GPD2: variants seen among roughly 807,000 people sequenced by gnomAD.
GPD2 encodes glycerol-3-phosphate dehydrogenase, mitochondrial.
In GPD2, 54 loss-of-function variants were observed where a neutral mutation model predicts 82.4. That is an observed-to-expected ratio of 0.66 (90% CI 0.53 to 0.82). GPD2 has a LOEUF of 0.82. Among genes scored for constraint, GPD2 ranks in the 40% least tolerant of loss-of-function variants. GPD2 has a pLI of 0.00. For missense variants in GPD2, 748 were observed against 896.2 expected (o/e 0.83, Z 2.11); for synonymous variants, 288 against 306.1 (o/e 0.94, Z 0.62).
upstream of GPD2, chr2:156,436,250 GGC>G (rs1471294441): frequency 6.6e-6 from 1 of 152,348 alleles, no homozygotes; most frequent in African/African-American, 2.4e-5. Context: ...GGCAGGAGGT[GGC>G]GGCCTCGCCG....
intron 3 of GPD2, among the ~76,000 whole-genome samples, chr2:156,509,723 A>C (rs1684916429): frequency 6.8e-6 from 1 of 147,912 alleles, no homozygotes; most frequent in African/African-American, 2.5e-5. Context: ...TCTAGAACTG[A>C]CCTATCTTTG....
chr2:156,466,843 AT>A (rs1683167181), intron 1 of GPD2, among the ~76,000 whole-genome samples: 1 of 152,024 alleles, frequency 6.6e-6, no homozygotes, highest in Non-Finnish European at 1.5e-5. Context: ...TTTTACTTGC[AT>A]TTTTTGAACT....
the GPD2 span, among the ~76,000 whole-genome samples, chr2:156,413,342 G>A: frequency 2.0e-5 from 3 of 152,014 alleles, no homozygotes; most frequent in Non-Finnish European, 4.4e-5. Context: ...AGCACTTTGG[G>A]AGGCCGAGGC....
chr2:156,479,267 G>A lies in GPD2; in HGVS notation c.102+3060G>A, dbSNP rs553787113. On this transcript the variant is annotated intron_variant, in intron 2 of 16. Coordinates refer to ENST00000438166, the MANE Select transcript of GPD2 (RefSeq NM_000408.5). ...GACAGATTGAAATTGAATAAGATGT[G>A]GTTTCACTTACCTTTAATGCAGTTG... Among the ~76,000 whole-genome samples the A allele has an allele frequency of 3.9e-5, 6 of 152,264 alleles. No individual in the cohort carries two copies. The South Asian group carries it at 1.2e-3, about 32-fold the overall frequency.
rs3055086 is a variant in GPD2 at position 156,450,682 on chromosome 2, T to TTTTTTTTA, written c.-9+14169_-9+14170insTTTTTTTA. Among the ~76,000 whole-genome samples, 209 of 112,408 alleles carry TTTTTTTTA rather than the reference T, an allele frequency of 1.9e-3. 7 individuals carry two copies. The highest frequency in any genetic ancestry group is 6.1e-3 in the African/African-American group (187 of 30,784). The allele number at this position is 112,408 out of a possible 152,430, so 73.7% of individuals were successfully genotyped here. A position where few individuals can be genotyped will look rare whatever the true frequency, so the allele number is the denominator to read the frequency against. ...AGACAACTCTTTTTTTTTTTTTTTT[T>TTTTTTTTA]ATTGCTCATTCTTGGGTGTTTCTCG... On this transcript the variant is annotated intron_variant, in intron 1 of 16. Transcript: ENST00000438166.
chr2:156,452,481 G>A (rs1015975755), intron 1 of GPD2, among the ~76,000 whole-genome samples: 3 of 152,236 alleles, frequency 2.0e-5, no homozygotes, highest in Non-Finnish European at 4.4e-5. Context: ...GCAGTGAGCC[G>A]AGATGGCAGC....
chr2:156,403,759 TTC>T, the GPD2 span, among the ~76,000 whole-genome samples: 3 of 152,176 alleles, frequency 2.0e-5, no homozygotes, highest in Non-Finnish European at 2.9e-5. Context: ...TTTTCTGTAT[TTC>T]TCTGTCACAA....
chr2:156,494,554 C>G (rs1342495943), intron 2 of GPD2, among the ~76,000 whole-genome samples: 2 of 152,194 alleles, frequency 1.3e-5, no homozygotes, highest in Non-Finnish European at 2.9e-5. Flanking sequence ...TTAAATGCAA[C>G]TGCAGGGGGT....
Position 156,436,964 on chromosome 2 carries a change from C to G in GPD2, c.-9+451C>G, listed in dbSNP as rs145015972. Among the ~76,000 whole-genome samples the G allele has an allele frequency of 6.8e-3, 1,043 of 152,276 alleles. 5 individuals are homozygous for G. The highest frequency in any genetic ancestry group is 1.0e-2 in the Non-Finnish European group (678 of 68,032). On this transcript the variant is annotated intron_variant, in intron 1 of 16. Coordinates refer to ENST00000438166, the MANE Select transcript of GPD2 (RefSeq NM_000408.5). ...GATAACTTAAAACAGCCTCCACTCC[C>G]TATGTAGTAACTTCTACCAGCAAAA...
chr2:156,550,942 C>T (rs1166246118), intron 8 of GPD2, among the ~76,000 whole-genome samples, 196 bp downstream of exon 8: 2 of 152,170 alleles, frequency 1.3e-5, no homozygotes, highest in Admixed American at 6.5e-5. Context: ...TGGCAATACT[C>T]GTTTCTAAGG....
chr2:156,446,107 A>AT (rs34556972), intron 1 of GPD2, among the ~76,000 whole-genome samples: 87,328 of 151,682 alleles, frequency 0.58, 25,427 homozygotes, highest in East Asian at 0.77. Context: ...ACACACACTT[A>AT]TTTTTTTTGA....
intron 2 of GPD2, among the ~76,000 whole-genome samples, chr2:156,480,737 A>G (rs1334229699): frequency 1.3e-5 from 2 of 150,292 alleles, no homozygotes; most frequent in Non-Finnish European, 3.0e-5. Flanking sequence ...ATAGGCAAGG[A>G]GTGAGCTTCA....
At chr2:156,459,714 G>GAA (rs1682923816) in intron 1 of GPD2, among the ~76,000 whole-genome samples, 1 of 84,076 alleles carries the variant, frequency 1.2e-5, no homozygotes, top group Non-Finnish European at 2.4e-5. Flanking sequence ...AAAAAAGAAA[G>GAA]AAAAAGGGAA....
At chr2:156,542,849 T>G (rs1686375230) in intron 6 of GPD2, among the ~76,000 whole-genome samples, 1 of 152,180 alleles carries the variant, frequency 6.6e-6, no homozygotes, top group Non-Finnish European at 1.5e-5. Context: ...TGTTTTTCCC[T>G]TTATTGCCAT....
At chr2:156,504,243 C>G (rs1327223737) in intron 3 of GPD2, among the ~76,000 whole-genome samples, 1 of 152,056 alleles carries the variant, frequency 6.6e-6, no homozygotes, top group African/African-American at 2.4e-5. Context: ...TACTTTGCAG[C>G]TTTACAAGAG....
chr2:156,495,178 A>G (rs1454941471), intron 2 of GPD2, among the ~76,000 whole-genome samples: 1 of 152,116 alleles, frequency 6.6e-6, no homozygotes, highest in Non-Finnish European at 1.5e-5. Context: ...GTGAAACCCC[A>G]TCTCTTCAAA....
chr2:156,540,406 C>G (rs752734899), intron 6 of GPD2, among the ~76,000 whole-genome samples: 2 of 152,198 alleles, frequency 1.3e-5, no homozygotes, highest in African/African-American at 4.8e-5. Context: ...TTCTTCCTCT[C>G]CTATGGGATG....
chr2:156,439,547 A>AAAAAAAC (rs1682080031), intron 1 of GPD2, among the ~76,000 whole-genome samples: 1 of 142,910 alleles, frequency 7.0e-6, no homozygotes, highest in East Asian at 2.0e-4. Flanking sequence ...AAACAAAAAA[A>AAAAAAAC]AAAAAACAAG....
chr2:156,428,685 A>C, the GPD2 span, among the ~76,000 whole-genome samples: 1 of 152,124 alleles, frequency 6.6e-6, no homozygotes, highest in South Asian at 2.1e-4. Flanking sequence ...TAAATTGTAA[A>C]ATTTCTCCTT....
Sources: gnomAD v4.1 joint callset for allele counts (sites outside exome capture counted in the v4.1 genomes callset) on GRCh38, gnomAD v4.1.1 for gene constraint, MANE v1.5 for transcripts, NCBI Gene and HGNC (gene_info 2026-07-23, HGNC 2026-07-21) for gene names.